Variants in SLC26A8 observed in about 807,000 individuals in gnomAD.
The protein encoded by SLC26A8 is solute carrier family 26 member 8.
SLC26A8 carries 70 observed loss-of-function variants against 105.0 expected under a neutral mutation model. That is an observed-to-expected ratio of 0.67 (90% CI 0.55 to 0.81). The LOEUF (loss-of-function observed/expected upper bound fraction) is 0.81, where lower values mean the gene tolerates loss of function less well. Ranked by LOEUF, SLC26A8 falls within the 40% of genes least tolerant of loss-of-function variation. SLC26A8 has a pLI of 0.00. For missense variants in SLC26A8, 998 were observed against 1,181.8 expected, an observed-to-expected ratio of 0.84 and a Z score of 2.28; for synonymous variants, 415 against 438.3, an observed-to-expected ratio of 0.95 and a Z score of 0.66.
intron 5 of SLC26A8, 117 bp from the exon 6 acceptor site, chr6:35,992,791 G>T: frequency 1.1e-6 from 1 of 932,164 alleles, no homozygotes; most frequent in Non-Finnish European, 1.6e-6. Flanking sequence ...GGCCCCTTTG[G>T]TAACTCTTGT....
chr6:35,969,384 G>A (rs762182829), intron 10 of SLC26A8: 57 of 164,308 alleles, frequency 3.5e-4, no homozygotes, highest in Non-Finnish European at 7.5e-4. Context: ...CAGATCACAA[G>A]GTCAAAAGAT....
At chr6:35,993,629 G>T (rs1581676273) in intron 5 of SLC26A8, among the ~76,000 whole-genome samples, 1 of 152,206 alleles carries the variant, frequency 6.6e-6, no homozygotes, top group Middle Eastern at 3.4e-3. Context: ...GACCTCAAAT[G>T]ATTAACAGGA....
At chr6:35,961,769 T>C (rs1160574593) in intron 12 of SLC26A8, among the ~76,000 whole-genome samples, 1 of 152,226 alleles carries the variant, frequency 6.6e-6, no homozygotes, top group African/African-American at 2.4e-5. Context: ...TCTCATCACA[T>C]TCTATCCTCC....
At chr6:35,982,225 G>A in intron 7 of SLC26A8, 22 bp from the exon 8 acceptor site, 1 of 1,611,560 alleles carries the variant, frequency 6.2e-7, no homozygotes, top group Non-Finnish European at 8.5e-7. Context: ...AAAAAAAGAA[G>A]GGATGGGGGC....
chr6:35,972,913 C>T (rs1210865403), intron 10 of SLC26A8, among the ~76,000 whole-genome samples: 5 of 152,216 alleles, frequency 3.3e-5, no homozygotes, highest in Admixed American at 6.5e-5. Context: ...CTGCATTGCA[C>T]GCACAAGTGG....
intron 19 of SLC26A8, among the ~76,000 whole-genome samples, chr6:35,950,092 C>G (rs893303580): frequency 6.6e-6 from 1 of 152,066 alleles, no homozygotes; most frequent in African/African-American, 2.4e-5. Flanking sequence ...CCATCTCGCC[C>G]GCCCGTTGTA....
At chr6:36,018,244 T>C (rs146391586) in intron 2 of SLC26A8, among the ~76,000 whole-genome samples, 417 of 152,322 alleles carry the variant, frequency 2.7e-3, no homozygotes, top group African/African-American at 8.8e-3. Context: ...AGTAGCCTAA[T>C]GGCGGTAGAA....
At chr6:36,011,487 C>T (rs1436124423) in intron 3 of SLC26A8, among the ~76,000 whole-genome samples, 2 of 152,240 alleles carry the variant, frequency 1.3e-5, no homozygotes, top group Non-Finnish European at 2.9e-5. Context: ...TAAGCTCCCA[C>T]ACCTATCTGT....
chr6:35,953,519 C>T (rs934292742), intron 17 of SLC26A8, among the ~76,000 whole-genome samples: 14 of 152,040 alleles, frequency 9.2e-5, no homozygotes, highest in African/African-American at 2.4e-4. Flanking sequence ...CAGTCTGGCA[C>T]GTAGTAGACA....
At chr6:35,979,518 C>T (rs750692194) in intron 8 of SLC26A8, among the ~76,000 whole-genome samples, 9 of 152,048 alleles carry the variant, frequency 5.9e-5, no homozygotes, top group South Asian at 4.1e-4. Context: ...AGCTCCTTTG[C>T]GTTTTCCAGG....
chr6:35,976,926 C>A (rs1429643948), intron 9 of SLC26A8, among the ~76,000 whole-genome samples: 2 of 152,028 alleles, frequency 1.3e-5, no homozygotes, highest in African/African-American at 2.4e-5. Flanking sequence ...AGAAAGAAAG[C>A]TAAAATTAAG....
At chr6:35,965,631 G>A (rs1479443491) in intron 11 of SLC26A8, among the ~76,000 whole-genome samples, 6 of 148,150 alleles carry the variant, frequency 4.0e-5, no homozygotes, top group East Asian at 4.0e-4. Context: ...GCCATGAGCC[G>A]AGATTGCGCC....
At chr6:35,952,097 A>C (rs940510283) in intron 17 of SLC26A8, among the ~76,000 whole-genome samples, 2 of 152,208 alleles carry the variant, frequency 1.3e-5, no homozygotes, top group East Asian at 3.8e-4. Context: ...AGTATATATC[A>C]AGACAGGACG....
In SLC26A8 at chr6:35,943,787, T is replaced by G; in HGVS notation, c.*113A>C. Reference sequence around the variant, plus strand: ...GGCTGGCAGGTAGTAGGAGTCACAGTCAGGAAGGAAGTACTGCTAGTTCGT... The same window carrying G: ...GGCTGGCAGGTAGTAGGAGTCACAGGCAGGAAGGAAGTACTGCTAGTTCGT... On this transcript the variant is annotated 3_prime_UTR_variant, in exon 20 of 20. Coordinates refer to ENST00000490799, the MANE Select transcript of SLC26A8 (RefSeq NM_052961.4). The G allele has an allele frequency of 6.9e-7, 1 of 1,454,932 alleles. No homozygotes were observed. The highest frequency in any genetic ancestry group is 9.2e-7 in the Non-Finnish European group (1 of 1,087,690). 90.1% of individuals were successfully genotyped at this position (1,454,932 alleles called of 1,614,324 possible). A position where few individuals can be genotyped will look rare whatever the true frequency, so the allele number is the denominator to read the frequency against.
intron 7 of SLC26A8, 102 bp downstream of exon 7, chr6:35,991,557 T>C (rs1761159884): frequency 1.1e-6 from 1 of 894,052 alleles, no homozygotes; most frequent in Non-Finnish European, 1.6e-6. Flanking sequence ...TAAGCATATA[T>C]TGAAAACTAA....
At chr6:35,989,969 G>A (rs746155843) in intron 7 of SLC26A8, 6 of 102,814 alleles carry the variant, frequency 5.8e-5, no homozygotes, top group African/African-American at 1.9e-4. Context: ...ACGGAGTCTC[G>A]CTCTTTCACC....
chr6:36,019,839 ACT>A (rs1352187545), intron 1 of SLC26A8, 130 bp from the exon 2 acceptor site: 7 of 846,250 alleles, frequency 8.3e-6, no homozygotes, highest in Non-Finnish European at 1.2e-5. Flanking sequence ...GTTGTAAAAA[ACT>A]CTTTCTCAAA....
chr6:35,991,744 G>A lies in SLC26A8; in HGVS notation c.857C>T (p.Thr286Ile), dbSNP rs770247853. The change falls in exon 7 of 20, where the codon ACT (threonine) becomes ATT (isoleucine). Residue 286 changes from threonine to isoleucine, a missense_variant. Thr to Ile is a moderately conservative substitution (Grantham distance 89). Coordinates refer to ENST00000490799, the MANE Select transcript of SLC26A8 (RefSeq NM_052961.4). ...ANSTSILVFLTVVVALRINKC... is the reference protein window; with the variant it reads ...ANSTSILVFLIVVVALRINKC... ...GTTGATTCGCAGAGCAACAACAACA[G>A]TTAGAAATACTAGAATGCTGGTGGA... 1 of 1,607,910 alleles carries A rather than the reference G, an allele frequency of 6.2e-7. No individual in the cohort carries two copies. Among genetic ancestry groups the A allele is most frequent in the Non-Finnish European group, 8.5e-7 (1 of 1,177,864 alleles).
chr6:35,960,585 G>C (rs1772269954), intron 14 of SLC26A8: 4 of 411,960 alleles, frequency 9.7e-6, no homozygotes, highest in African/African-American at 6.1e-5. Context: ...GAACCTGGCA[G>C]GTGGAGGTTG....
Sources: allele counts gnomAD v4.1 joint callset (sites outside exome capture counted in the v4.1 genomes callset), GRCh38; gene constraint gnomAD v4.1.1; transcripts MANE v1.5; gene names NCBI Gene and HGNC (gene_info 2026-07-23, HGNC 2026-07-21).